The following PROM1 variants were observed in gnomAD, a reference collection of about 807,000 sequenced individuals.
PROM1 encodes prominin-1.
In PROM1, 105 loss-of-function variants were observed where a neutral mutation model predicts 116.9. The ratio of observed to expected loss-of-function variants is 0.90; its 90% CI spans 0.77 to 1.06. The LOEUF is 1.06. PROM1 is among the 50% of genes least tolerant of loss of function. PROM1 has a pLI of 0.00. For synonymous variants in PROM1, 393 were observed against 387.0 expected (o/e 1.02, Z -0.18); for missense variants, 1,122 against 1,045.2 (o/e 1.07, Z -1.01).
At chr4:16,033,097 C>CT (rs3839175) in intron 5 of PROM1, among the ~76,000 whole-genome samples, 19,634 of 152,176 alleles carry the variant, frequency 0.13, 1,690 homozygotes, top group East Asian at 0.32. Flanking sequence ...GCTGGGGCAG[C>CT]TTCATTACAA....
chr4:15,990,116 A>G (rs1042931374), intron 18 of PROM1, among the ~76,000 whole-genome samples: 1 of 152,232 alleles, frequency 6.6e-6, no homozygotes, highest in African/African-American at 2.4e-5. Flanking sequence ...CCCATTTTAC[A>G]GGTGAGAAAA....
intron 2 of PROM1, among the ~76,000 whole-genome samples, chr4:16,068,898 A>C (rs1261047096): frequency 6.6e-6 from 1 of 152,126 alleles, no homozygotes; most frequent in East Asian, 1.9e-4. Context: ...AATCACCTAA[A>C]ATATTTTTAC....
At chr4:15,985,112 C>G (rs1046624583) in intron 22 of PROM1, among the ~76,000 whole-genome samples, 2 of 152,140 alleles carry the variant, frequency 1.3e-5, no homozygotes, top group Non-Finnish European at 2.9e-5. Flanking sequence ...ATAGTTGTAC[C>G]TTTACTGAAC....
rs775203253 is a variant in PROM1, at chr4:16,025,228, G to C, written c.594C>G (p.Phe198Leu). ...KRSRKLADSNFKDLRTLLNET... is the reference protein window; with the variant it reads ...KRSRKLADSNLKDLRTLLNET... ...CATTCAAGAGAGTTCGCAAGTCCTT[G>C]AAATTGCTATCTGCCAGTTTCCGAC... The change falls in exon 6 of 28, where the codon TTC becomes TTG. Residue 198 changes from phenylalanine (F) to leucine (L), a missense_variant. Coordinates refer to ENST00000447510, the MANE Select transcript of PROM1 (RefSeq NM_006017.3). 1 of 1,613,952 alleles carries C rather than the reference G, an allele frequency of 6.2e-7. No individual in the cohort carries two copies. The highest frequency in any genetic ancestry group is 8.5e-7 in the Non-Finnish European group (1 of 1,179,814).
chr4:16,042,472 T>G (rs1446491587), intron 2 of PROM1, among the ~76,000 whole-genome samples: 1 of 152,118 alleles, frequency 6.6e-6, no homozygotes, highest in Non-Finnish European at 1.5e-5. Flanking sequence ...TGATTAAAAA[T>G]TACTTAATGG....
intron 1 of PROM1, among the ~76,000 whole-genome samples, chr4:16,076,850 T>G (rs927587817): frequency 6.6e-6 from 1 of 152,234 alleles, no homozygotes; most frequent in Admixed American, 6.5e-5. Context: ...GATTAAGGGC[T>G]GTGCAAGATG....
intron 2 of PROM1, among the ~76,000 whole-genome samples, chr4:16,043,061 A>G (rs567272790): frequency 1.8e-4 from 28 of 152,366 alleles, no homozygotes; most frequent in Admixed American, 2.6e-4. Flanking sequence ...ATTGACAAAT[A>G]TATGTTAAGG....
intron 23 of PROM1, among the ~76,000 whole-genome samples, chr4:15,983,739 C>A (rs561356119): frequency 6.6e-6 from 1 of 152,234 alleles, no homozygotes; most frequent in African/African-American, 2.4e-5. Context: ...TATGAGGAAT[C>A]CTGATCTTTA....
rs182263208 is a variant in PROM1 at position 16,008,530 on chromosome 4, T to C, written c.1301+419A>G. Among the ~76,000 whole-genome samples the C allele has an allele frequency of 1.9e-3, 289 of 152,384 alleles. 3 individuals carry two copies. The highest frequency in any genetic ancestry group is 6.5e-3 in the African/African-American group (272 of 41,586). On this transcript the variant is annotated intron_variant, in intron 12 of 27. Transcript: ENST00000447510. ...AAAATAGAAAAGAATATTTCCCAGA[T>C]GTCCTTCTTAATTACTTTTAAGCTT...
intron 2 of PROM1, among the ~76,000 whole-genome samples, chr4:16,048,248 C>A (rs527564298): frequency 2.6e-5 from 4 of 152,156 alleles, no homozygotes; most frequent in Non-Finnish European, 5.9e-5. Flanking sequence ...ACGATGGCCT[C>A]GGGTCCTGGA....
intron 4 of PROM1, among the ~76,000 whole-genome samples, chr4:16,034,339 T>C (rs1269296840): frequency 6.6e-6 from 1 of 152,162 alleles, no homozygotes; most frequent in Non-Finnish European, 1.5e-5. Context: ...TAATAATACG[T>C]ACCTTGTCAA....
At chr4:16,051,299 A>G (rs924969304) in intron 2 of PROM1, among the ~76,000 whole-genome samples, 1 of 152,246 alleles carries the variant, frequency 6.6e-6, no homozygotes. Context: ...CATAGCAGTT[A>G]GGAGCAGAGA....
At chr4:16,007,587 T>C (rs561195783) in intron 12 of PROM1, among the ~76,000 whole-genome samples, 9 of 152,288 alleles carry the variant, frequency 5.9e-5, no homozygotes, top group African/African-American at 2.2e-4. Context: ...GGGCACAAAA[T>C]TAAATAAGCC....
intron 1 of PROM1, 76 bp downstream of exon 1, chr4:16,083,902 T>G (rs1219532749): frequency 6.6e-6 from 1 of 152,192 alleles, no homozygotes; most frequent in Admixed American, 6.5e-5. Context: ...GGGGACCCGT[T>G]GCGGCTTCCT....
At chr4:16,008,031 G>C (rs1365526109) in intron 12 of PROM1, among the ~76,000 whole-genome samples, 1 of 152,334 alleles carries the variant, frequency 6.6e-6, no homozygotes, top group East Asian at 1.9e-4. Context: ...CAGGCCAGGG[G>C]ATTTTTGTGA....
intron 2 of PROM1, among the ~76,000 whole-genome samples, chr4:16,070,252 G>A (rs964349249): frequency 2.0e-5 from 3 of 152,178 alleles, no homozygotes; most frequent in South Asian, 2.1e-4. Flanking sequence ...CATCGTTAAC[G>A]GACTTATTTC....
rs747151897 is a variant in PROM1 at position 15,968,700 on chromosome 4, T to C, written c.*693A>G. The C allele has an allele frequency of 3.9e-5, 6 of 152,234 alleles. No homozygotes were observed. The highest frequency in any genetic ancestry group is 6.5e-5 in the Admixed American group (1 of 15,288). 9.4% of individuals were successfully genotyped at this position (152,234 alleles called of 1,614,324 possible). On this transcript the variant is annotated 3_prime_UTR_variant, in exon 28 of 28. Coordinates refer to ENST00000447510, the MANE Select transcript of PROM1 (RefSeq NM_006017.3). ...CTCTCTCTCTTTTGAATTTGTCAGATGGAGTTACGCAGGTTTCTCTATGAT... is the reference window on the plus strand; with the variant it reads ...CTCTCTCTCTTTTGAATTTGTCAGACGGAGTTACGCAGGTTTCTCTATGAT...
intron 2 of PROM1, among the ~76,000 whole-genome samples, chr4:16,063,247 CA>C (rs1351353913): frequency 6.6e-6 from 1 of 152,078 alleles, no homozygotes; most frequent in Non-Finnish European, 1.5e-5. Flanking sequence ...CGTGGTTCTT[CA>C]ACAAATAAAT....
chr4:16,065,757 T>G (rs1183089052), intron 2 of PROM1, among the ~76,000 whole-genome samples: 1 of 152,170 alleles, frequency 6.6e-6, no homozygotes, highest in Non-Finnish European at 1.5e-5. Context: ...CAAAGTTACT[T>G]GAAAAACTAA....
Sources: gnomAD v4.1 joint callset for allele counts (sites outside exome capture counted in the v4.1 genomes callset) on GRCh38, gnomAD v4.1.1 for gene constraint, MANE v1.5 for transcripts, NCBI Gene and HGNC (gene_info 2026-07-23, HGNC 2026-07-21) for gene names.